ERCC6L2: variants seen among roughly 807,000 people sequenced by gnomAD.
The protein encoded by ERCC6L2 is ERCC excision repair 6 like 2, also known as DNA excision repair protein ERCC-6-like 2.
In ERCC6L2, 77 loss-of-function variants were observed where a neutral mutation model predicts 132.0. The observed-to-expected ratio is 0.58, with a 90% confidence interval of 0.49 to 0.71. ERCC6L2 has a LOEUF of 0.71. Among genes scored for constraint, ERCC6L2 ranks in the 30% least tolerant of loss-of-function variants. The pLI, the probability that ERCC6L2 is intolerant of heterozygous loss-of-function variation, is 0.00. For missense variants in ERCC6L2, 1,542 were observed against 1,837.6 expected (o/e 0.84, Z 2.94); for synonymous variants, 583 against 632.4 (o/e 0.92, Z 1.17).
intron 5 of ERCC6L2, 46 bp downstream of exon 5, chr9:95,915,875 T>A (rs777584742): frequency 2.0e-6 from 3 of 1,525,230 alleles, no homozygotes; most frequent in South Asian, 1.3e-5. Flanking sequence ...GTTCTTCAGC[T>A]GAATACGGTC....
At chr9:95,943,017 G>A (rs572030121) in intron 12 of ERCC6L2, among the ~76,000 whole-genome samples, 1 of 152,192 alleles carries the variant, frequency 6.6e-6, no homozygotes, top group African/African-American at 2.4e-5. Flanking sequence ...CAGCATTATA[G>A]GATTCTAGAA....
At chr9:96,021,426 C>G (rs1282444384), downstream of ERCC6L2, 3 of 220,018 alleles carry the variant, frequency 1.4e-5, no homozygotes, top group South Asian at 1.3e-4. This position sits in a 1 kb window ranked among gnomAD's most constrained non-coding sequence, Gnocchi z 4.7. Context: ...GGCTGCTTCC[C>G]GCGGGGAGAG....
chr9:96,040,688 C>A (rs1261749646), intron 20 of ERCC6L2, among the ~76,000 whole-genome samples: 1 of 152,238 alleles, frequency 6.6e-6, no homozygotes, highest in African/African-American at 2.4e-5. Flanking sequence ...TGGCCCATGG[C>A]CACACCTCAT....
Position 95,902,211 on chromosome 9 carries a change from C to G in ERCC6L2, c.594+4240C>G, listed in dbSNP as rs115011902. Among the ~76,000 whole-genome samples, 789 of 152,254 alleles carry G rather than the reference C, an allele frequency of 5.2e-3. 12 individuals carry two copies. The highest frequency in any genetic ancestry group is 0.017 in the African/African-American group (705 of 41,556). On this transcript the variant is annotated intron_variant, in intron 3 of 18. Coordinates refer to ENST00000653738, the MANE Select transcript of ERCC6L2 (RefSeq NM_020207.7). ...GAATAAATTCTTAAAGGAAAAGACACAAGCTCTACATTTTAAACATTGATT... is the reference window on the plus strand; with the variant it reads ...GAATAAATTCTTAAAGGAAAAGACAGAAGCTCTACATTTTAAACATTGATT...
At chr9:95,901,557 A>C (rs545472862) in intron 3 of ERCC6L2, among the ~76,000 whole-genome samples, 1 of 151,974 alleles carries the variant, frequency 6.6e-6, no homozygotes, top group Non-Finnish European at 1.5e-5. Flanking sequence ...TGTTGTTTTT[A>C]GGTTCCTTCT....
chr9:95,989,895 G>A (rs914417992), intron 17 of ERCC6L2, among the ~76,000 whole-genome samples: 13 of 152,334 alleles, frequency 8.5e-5, no homozygotes, highest in African/African-American at 3.1e-4. Context: ...TTGAGTACAG[G>A]TAGGACAGTG....
At chr9:95,996,490 T>C (rs1833475849) in intron 17 of ERCC6L2, among the ~76,000 whole-genome samples, 1 of 152,204 alleles carries the variant, frequency 6.6e-6, no homozygotes, top group Non-Finnish European at 1.5e-5. Context: ...CAGCCTTCTG[T>C]TGGAAGATGT....
In ERCC6L2 at chr9:95,879,563, T is replaced by G. The variant is rs142850584; in HGVS notation, c.47-1306T>G. Among the ~76,000 whole-genome samples the G allele has an allele frequency of 1.1e-3, 163 of 152,278 alleles. 2 individuals are homozygous for G. The highest frequency in any genetic ancestry group is 6.8e-3 in the Middle Eastern group (2 of 294). ...TCTACTTGTACAGTGGATCGAGGCT[T>G]TAGTTTGACATTAAAACACTCTTTT... is the stretch of plus-strand genomic sequence containing the variant. On this transcript the variant is annotated intron_variant, in intron 1 of 18. Coordinates refer to ENST00000653738, the MANE Select transcript of ERCC6L2 (RefSeq NM_020207.7).
At chr9:95,966,282 T>C (rs79029254) in intron 13 of ERCC6L2, among the ~76,000 whole-genome samples, 2,728 of 152,342 alleles carry the variant, frequency 0.018, 90 homozygotes, top group African/African-American at 0.061. Flanking sequence ...TTATTAAACA[T>C]TTATGTCAGG....
intron 17 of ERCC6L2, among the ~76,000 whole-genome samples, chr9:95,990,026 G>T (rs143940808): frequency 2.0e-5 from 3 of 152,244 alleles, no homozygotes; most frequent in Admixed American, 2.0e-4. Context: ...GAGCAGTAAG[G>T]CACATAGGGG....
At chr9:95,896,272 C>T (rs1828452963) in intron 2 of ERCC6L2, among the ~76,000 whole-genome samples, 1 of 152,010 alleles carries the variant, frequency 6.6e-6, no homozygotes, top group African/African-American at 2.4e-5. Flanking sequence ...TGAATATCAT[C>T]CGTAGGTATA....
intron 12 of ERCC6L2, among the ~76,000 whole-genome samples, chr9:95,943,934 C>T (rs1421079444): frequency 1.3e-5 from 2 of 152,206 alleles, no homozygotes; most frequent in Non-Finnish European, 2.9e-5. Flanking sequence ...TCAAGTGGCA[C>T]AGCTGCTGTG....
intron 12 of ERCC6L2, among the ~76,000 whole-genome samples, chr9:95,946,251 G>A (rs907255823): frequency 7.2e-5 from 11 of 152,094 alleles, no homozygotes; most frequent in Non-Finnish European, 1.5e-4. Context: ...TAAATTGGCC[G>A]GGTGCAGTGG....
intron 16 of ERCC6L2, among the ~76,000 whole-genome samples, chr9:95,974,255 C>T (rs1466132127): frequency 2.6e-5 from 4 of 152,082 alleles, no homozygotes; most frequent in African/African-American, 4.8e-5. Flanking sequence ...TACCCAGTGG[C>T]GCAGTTCATA....
rs531920972 is a variant in ERCC6L2 at position 95,999,545 on chromosome 9, G to C, written c.3493-4975G>C. ...GTATACATGTGAGCTTTGCAGTGCT[G>C]CCAGGGTCATTGCAAGACCCAGAGT... is the stretch of plus-strand genomic sequence containing the variant. On this transcript the variant is annotated intron_variant, in intron 17 of 18. Transcript: ENST00000653738. 2.0e-4 allele frequency among the ~76,000 whole-genome samples: 30 copies of C among 152,278 alleles called. No individual in the cohort carries two copies. In the South Asian group the frequency reaches 5.6e-3, roughly 28 times the overall value.
intron 12 of ERCC6L2, 38 bp downstream of exon 12, chr9:95,941,587 CT>C (rs1564245580): frequency 1.4e-6 from 2 of 1,406,912 alleles, no homozygotes; most frequent in Non-Finnish European, 2.0e-6. Flanking sequence ...TCTGCAAATA[CT>C]TTTAATCTAA....
In ERCC6L2 at chr9:96,014,692, A is replaced by T. The variant is rs956634486; in HGVS notation, c.*1489A>T. ...TTGAATTTCATGGCCCATGGTTAAGATCCACAGTGTGAAAACGCTGTTTTA... is the reference window on the plus strand; with the variant it reads ...TTGAATTTCATGGCCCATGGTTAAGTTCCACAGTGTGAAAACGCTGTTTTA... On this transcript the variant is annotated 3_prime_UTR_variant, in exon 19 of 19. Transcript: ENST00000653738. 6.6e-6 allele frequency: 1 copy of T among 152,166 alleles called. No individual in the cohort carries two copies. Among genetic ancestry groups the T allele is most frequent in the African/African-American group, 2.4e-5 (1 of 41,450 alleles). 9.4% of individuals were successfully genotyped at this position (152,166 alleles called of 1,614,324 possible). A position where few individuals can be genotyped will look rare whatever the true frequency, so the allele number is the denominator to read the frequency against.
intron 17 of ERCC6L2, among the ~76,000 whole-genome samples, chr9:95,998,144 T>C (rs1234583039): frequency 2.6e-5 from 4 of 151,554 alleles, no homozygotes; most frequent in Non-Finnish European, 4.4e-5. Flanking sequence ...AGCCATGGGC[T>C]CTTTTTTTTT....
chr9:95,982,055 C>G (rs1166244514), intron 17 of ERCC6L2, among the ~76,000 whole-genome samples: 2 of 152,076 alleles, frequency 1.3e-5, no homozygotes, highest in Non-Finnish European at 2.9e-5. Flanking sequence ...GACTTAATCC[C>G]TTGAATTGGA....
Sources: allele counts gnomAD v4.1 joint callset (sites outside exome capture counted in the v4.1 genomes callset), GRCh38; gene constraint gnomAD v4.1.1; non-coding constraint Gnocchi (gnomAD v3.1); transcripts MANE v1.5; gene names NCBI Gene and HGNC (gene_info 2026-07-23, HGNC 2026-07-21).